Variants in YWHAE observed in about 807,000 individuals in gnomAD.
The protein encoded by YWHAE is tyrosine 3-monooxygenase/tryptophan 5-monooxygenase activation protein epsilon, also known as 14-3-3 protein epsilon.
In YWHAE, 4 loss-of-function variants were observed where a neutral mutation model predicts 30.1. The observed-to-expected ratio is 0.13, with a 90% CI of 0.07 to 0.30. YWHAE has a LOEUF of 0.30. Ranked by LOEUF, YWHAE falls within the 10% of genes least tolerant of loss-of-function variation. The pLI, the probability that YWHAE is intolerant of heterozygous loss-of-function variation, is 1.00. For synonymous variants in YWHAE, 118 were observed against 111.8 expected (o/e 1.06, Z -0.35); for missense variants, 121 against 315.9 (o/e 0.38, Z 4.68).
chr17:1,389,502 C>T (rs1458408822), intron 1 of YWHAE, among the ~76,000 whole-genome samples: 3 of 151,778 alleles, frequency 2.0e-5, no homozygotes, highest in Admixed American at 1.3e-4. Flanking sequence ...GGCTAAAATG[C>T]GAACATTTAA....
At chr17:1,395,092 T>C (rs1016230185) in intron 1 of YWHAE, among the ~76,000 whole-genome samples, 2 of 150,706 alleles carry the variant, frequency 1.3e-5, no homozygotes, top group Non-Finnish European at 3.0e-5. Flanking sequence ...CAGTCATCCA[T>C]GAAAAAAAAA....
chr17:1,347,104 G>A (rs1387032182), intron 5 of YWHAE, among the ~76,000 whole-genome samples: 2 of 150,286 alleles, frequency 1.3e-5, no homozygotes, highest in Non-Finnish European at 3.0e-5. Flanking sequence ...AAGAGAGGTG[G>A]ATCATGAGGT....
chr17:1,384,054 C>T (rs1218645171), intron 1 of YWHAE, among the ~76,000 whole-genome samples: 5 of 151,810 alleles, frequency 3.3e-5, no homozygotes, highest in Admixed American at 6.6e-5. Flanking sequence ...AAATACAAAA[C>T]AATTAGCCAC....
intron 3 of YWHAE, 66 bp from the exon 4 acceptor site, chr17:1,361,364 T>C (rs2072862633): frequency 7.5e-7 from 1 of 1,335,966 alleles, no homozygotes; most frequent in Non-Finnish European, 1.0e-6. Flanking sequence ...TAAAGGAAAA[T>C]AAGCTAAAAT....
chr17:1,395,889 C>T (rs1394657914), intron 1 of YWHAE, among the ~76,000 whole-genome samples: 2 of 152,136 alleles, frequency 1.3e-5, no homozygotes, highest in African/African-American at 2.4e-5. Context: ...GAGGCCGAGG[C>T]GGGCGGATCA....
At chr17:1,386,327 G>C (rs558717883) in intron 1 of YWHAE, among the ~76,000 whole-genome samples, 8 of 152,182 alleles carry the variant, frequency 5.3e-5, no homozygotes, top group Admixed American at 3.3e-4. Flanking sequence ...AGACACCATT[G>C]GTGCTAATTA....
intron 5 of YWHAE, among the ~76,000 whole-genome samples, chr17:1,347,279 G>A (rs2072539423): frequency 6.6e-6 from 1 of 151,308 alleles, no homozygotes; most frequent in South Asian, 2.1e-4. Context: ...CTTTCAGTGA[G>A]CCAAGATTCT....
chr17:1,353,787 G>A (rs1374596249), intron 5 of YWHAE, among the ~76,000 whole-genome samples: 1 of 151,274 alleles, frequency 6.6e-6, no homozygotes, highest in African/African-American at 2.4e-5. Flanking sequence ...AGAGACCCAA[G>A]GGCCAACATT....
In YWHAE at chr17:1,370,196, G is replaced by A. The variant is rs139812944; in HGVS notation, c.65-5138C>T. ...GGCTGGAGTGCCTGGGCGTGATCTC[G>A]GCTCACTGCAAGCTCCGCCTCCCAG... On this transcript the variant is annotated intron_variant, in intron 1 of 5. Coordinates refer to ENST00000264335, the MANE Select transcript of YWHAE (RefSeq NM_006761.5). Among the ~76,000 whole-genome samples the A allele has an allele frequency of 8.3e-3, 1,164 of 139,974 alleles. 4 individuals are homozygous for A. Among genetic ancestry groups the A allele is most frequent in the Admixed American group, 0.017 (201 of 11,900 alleles). 91.8% of individuals were successfully genotyped at this position (139,974 alleles called of 152,430 possible).
In YWHAE at chr17:1,344,921, A is replaced by C. The variant is rs1353420523; in HGVS notation, c.*526T>G. 1 of 233,548 alleles carries C rather than the reference A, an allele frequency of 4.3e-6. No homozygotes were observed. The highest frequency in any genetic ancestry group is 8.5e-6 in the Non-Finnish European group (1 of 118,056). The allele number at this position is 233,548 out of a possible 1,614,324, so 14.5% of individuals were successfully genotyped here. On this transcript the variant is annotated 3_prime_UTR_variant, in exon 6 of 6. Coordinates refer to ENST00000264335, the MANE Select transcript of YWHAE (RefSeq NM_006761.5). Reference sequence around the variant, plus strand: ...CAGCGGAGTTGGAAACATTTTTTACAGCAAAACCATTACAACGAAGTCCCT... The same window carrying C: ...CAGCGGAGTTGGAAACATTTTTTACCGCAAAACCATTACAACGAAGTCCCT...
At chr17:1,366,889 C>A (rs1401941450) in intron 1 of YWHAE, among the ~76,000 whole-genome samples, 3 of 152,120 alleles carry the variant, frequency 2.0e-5, no homozygotes, top group Admixed American at 2.0e-4. Context: ...TTGCAGTGAG[C>A]TGAGATTGCA....
At position 1,362,019 on chromosome 17, in the gene YWHAE, A is replaced by G. The variant is rs1167996383; in HGVS notation, c.265-11T>C. On this transcript the variant is annotated splice_polypyrimidine_tract_variant and intron_variant, in intron 2 of 5. Coordinates refer to ENST00000264335, the MANE Select transcript of YWHAE (RefSeq NM_006761.5). ...TAGCTCAGTCTCAACCTAAAAAAAA[A>G]AAAATTTTTTTTAAATCAGATTAAG... is the stretch of plus-strand genomic sequence containing the variant. 6 of 1,531,458 alleles carry G rather than the reference A, an allele frequency of 3.9e-6. No individual in the cohort carries two copies. Among genetic ancestry groups the G allele is most frequent in the Non-Finnish European group, 5.2e-6 (6 of 1,143,902 alleles). 94.9% of individuals were successfully genotyped at this position (1,531,458 alleles called of 1,614,324 possible). A position where few individuals can be genotyped will look rare whatever the true frequency, so the allele number is the denominator to read the frequency against.
intron 4 of YWHAE, among the ~76,000 whole-genome samples, chr17:1,358,087 A>T (rs1219322849): frequency 2.0e-5 from 3 of 151,384 alleles, no homozygotes; most frequent in Non-Finnish European, 4.4e-5. Flanking sequence ...AAAAAACATG[A>T]ATTCAAAAAT....
chr17:1,352,529 C>CT (rs10707421), intron 5 of YWHAE, among the ~76,000 whole-genome samples: 150 of 144,246 alleles, frequency 1.0e-3, no homozygotes, highest in East Asian at 8.1e-3. Context: ...AACGTTATCT[C>CT]TTTTTTTTTT....
chr17:1,375,818 G>A (rs1298036617), intron 1 of YWHAE, among the ~76,000 whole-genome samples: 1 of 152,184 alleles, frequency 6.6e-6, no homozygotes, highest in Non-Finnish European at 1.5e-5. Context: ...CTTGTTAACT[G>A]AGGTTTGGTT....
intron 4 of YWHAE, among the ~76,000 whole-genome samples, chr17:1,355,114 T>TAC (rs2072712382): frequency 5.6e-4 from 1 of 1,796 alleles, no homozygotes; most frequent in African/African-American, 1.2e-3. Flanking sequence ...CCCAAGATTT[T>TAC]TTAAAAAAAA....
intron 1 of YWHAE, among the ~76,000 whole-genome samples, chr17:1,378,418 T>A (rs941003640): frequency 6.6e-5 from 10 of 152,242 alleles, no homozygotes; most frequent in Admixed American, 3.3e-4. Context: ...CAATCAACAT[T>A]CTGCCTTACT....
intron 1 of YWHAE, among the ~76,000 whole-genome samples, chr17:1,372,165 T>C (rs118009209): frequency 0.012 from 1,884 of 152,276 alleles, 31 homozygotes; most frequent in East Asian, 0.052. Context: ...GTAATGGAGA[T>C]GGCATCTTTC....
Position 1,347,211 on chromosome 17 carries a change from C to T in YWHAE, c.716-1712G>A, listed in dbSNP as rs189125379. On this transcript the variant is annotated intron_variant, in intron 5 of 5. Transcript: ENST00000264335. The stretch of plus-strand genomic sequence containing the variant: ...AAAATTAGCCAGGCATGGTGGCAGG[C>T]GCCTGTAGTCCCAGCTACTCGGGAG... 1.5e-4 allele frequency among the ~76,000 whole-genome samples: 23 copies of T among 150,274 alleles called. No homozygotes were observed. The South Asian group carries it at 2.5e-3, about 17-fold the overall frequency.
Sources: gnomAD v4.1 joint callset for allele counts (sites outside exome capture counted in the v4.1 genomes callset) on GRCh38, gnomAD v4.1.1 for gene constraint, MANE v1.5 for transcripts, NCBI Gene and HGNC (gene_info 2026-07-23, HGNC 2026-07-21) for gene names.